SORCS3: variants seen among roughly 807,000 people sequenced by gnomAD.
SORCS3 encodes the protein VPS10 domain-containing receptor SorCS3.
In SORCS3, 57 loss-of-function variants were observed where a neutral mutation model predicts 146.3. The observed-to-expected ratio is 0.39, with a 90% CI of 0.31 to 0.49. The LOEUF (loss-of-function observed/expected upper bound fraction) is 0.49. Among genes scored for constraint, SORCS3 ranks in the 20% least tolerant of loss-of-function variants. SORCS3 has a pLI of 0.92. For missense variants in SORCS3, 1,341 were observed against 1,575.5 expected (o/e 0.85, Z 2.52); for synonymous variants, 653 against 618.5 (o/e 1.06, Z -0.83).
At chr10:105,058,279 G>A (rs895132684) in intron 5 of SORCS3, among the ~76,000 whole-genome samples, 4 of 152,158 alleles carry the variant, frequency 2.6e-5, no homozygotes, top group African/African-American at 7.2e-5. Flanking sequence ...TGGGCTAAAA[G>A]CACTGGGGGA....
chr10:104,953,848 A>C (rs949901677), intron 3 of SORCS3, among the ~76,000 whole-genome samples: 1 of 152,252 alleles, frequency 6.6e-6, no homozygotes, highest in Non-Finnish European at 1.5e-5. Context: ...AGTCTGATGC[A>C]GTCACAGACA....
rs71022753 is a variant in SORCS3 at position 105,129,331 on chromosome 10, C to CTTT, written c.1213-10042_1213-10040dup. On this transcript the variant is annotated intron_variant, in intron 7 of 26. Coordinates refer to ENST00000369701, the MANE Select transcript of SORCS3 (RefSeq NM_014978.3). ...CTTTCTCTTTTCTTTCTTTCTTTCT[C>CTTT]TTTTTTTTTTTTTTTTTTTTTTTTT... Among the ~76,000 whole-genome samples, 107 of 104,614 alleles carry CTTT rather than the reference C, an allele frequency of 1.0e-3. 3 individuals carry two copies. Among genetic ancestry groups the CTTT allele is most frequent in the African/African-American group, 3.9e-3 (100 of 25,650 alleles). The allele number at this position is 104,614 out of a possible 152,430, so 68.6% of individuals were successfully genotyped here. A position where few individuals can be genotyped will look rare whatever the true frequency, so the allele number is the denominator to read the frequency against.
chr10:104,807,980 G>A (rs2017697538), intron 1 of SORCS3, among the ~76,000 whole-genome samples: 1 of 152,216 alleles, frequency 6.6e-6, no homozygotes, highest in Admixed American at 6.5e-5. Context: ...ATATTATGGT[G>A]TTCACAGTCG....
chr10:105,258,359 C>A (rs1006801286), intron 25 of SORCS3, among the ~76,000 whole-genome samples: 1 of 152,206 alleles, frequency 6.6e-6, no homozygotes, highest in Non-Finnish European at 1.5e-5. Flanking sequence ...CTGGTTAAGG[C>A]AACACCCATT....
At chr10:105,033,904 G>C (rs1352597445) in intron 4 of SORCS3, among the ~76,000 whole-genome samples, 4 of 152,132 alleles carry the variant, frequency 2.6e-5, no homozygotes, top group Admixed American at 6.5e-5. Flanking sequence ...GGAAAAGGAA[G>C]GAGGATTTTT....
chr10:105,014,703 G>GT (rs34724735), intron 4 of SORCS3, among the ~76,000 whole-genome samples: 57,945 of 151,986 alleles, frequency 0.38, 12,683 homozygotes, highest in African/African-American at 0.61. Context: ...AAATTTATAT[G>GT]TGAAACTTAA....
intron 3 of SORCS3, among the ~76,000 whole-genome samples, chr10:104,939,237 A>T (rs1437279638): frequency 1.5e-4 from 23 of 151,812 alleles, no homozygotes; most frequent in Non-Finnish European, 1.8e-4. Flanking sequence ...CTTTCATCGC[A>T]CTCTTGTTTA....
chr10:104,989,588 C>A (rs528225102), intron 4 of SORCS3, among the ~76,000 whole-genome samples: 8 of 152,262 alleles, frequency 5.3e-5, no homozygotes, highest in African/African-American at 1.7e-4. Flanking sequence ...GTATTTTCAT[C>A]TACTCCAAAG....
At chr10:104,999,620 C>T (rs929485294) in intron 4 of SORCS3, among the ~76,000 whole-genome samples, 2 of 152,098 alleles carry the variant, frequency 1.3e-5, no homozygotes, top group African/African-American at 2.4e-5. Context: ...TTGAGCATCT[C>T]TTGCTCCACA....
intron 7 of SORCS3, among the ~76,000 whole-genome samples, chr10:105,131,606 G>A (rs1001665310): frequency 3.9e-5 from 6 of 152,140 alleles, no homozygotes; most frequent in African/African-American, 1.2e-4. Flanking sequence ...TTCTTGCATT[G>A]TTATAAATAC....
chr10:105,135,919 C>G (rs993509577), intron 7 of SORCS3, among the ~76,000 whole-genome samples: 1 of 152,178 alleles, frequency 6.6e-6, no homozygotes, highest in Non-Finnish European at 1.5e-5. Flanking sequence ...TACTTAAGTT[C>G]TTTCTACAGC....
chr10:104,647,561 TCAC>T (rs2015509716), intron 1 of SORCS3, among the ~76,000 whole-genome samples: 1 of 152,166 alleles, frequency 6.6e-6, no homozygotes, highest in African/African-American at 2.4e-5. Context: ...TTCCCTCCAA[TCAC>T]CATCAAGTGC....
intron 2 of SORCS3, among the ~76,000 whole-genome samples, chr10:104,915,281 C>T (rs1589547863): frequency 6.6e-6 from 1 of 151,658 alleles, no homozygotes; most frequent in South Asian, 2.1e-4. Context: ...AAGCATCCAA[C>T]CCTCTGCCTG....
At chr10:105,118,250 G>T (rs909631677) in intron 7 of SORCS3, among the ~76,000 whole-genome samples, 1 of 152,026 alleles carries the variant, frequency 6.6e-6, no homozygotes, top group Admixed American at 6.6e-5. Context: ...GTTTTTTAAG[G>T]GGCTTTTTCC....
intron 5 of SORCS3, among the ~76,000 whole-genome samples, chr10:105,054,520 A>G (rs2055433515): frequency 6.6e-6 from 1 of 152,102 alleles, no homozygotes; most frequent in Admixed American, 6.6e-5. Flanking sequence ...TCATTTTAAT[A>G]ACTTAATAAT....
chr10:104,845,477 T>C (rs1323756171), intron 2 of SORCS3, among the ~76,000 whole-genome samples: 2 of 152,220 alleles, frequency 1.3e-5, no homozygotes, highest in Non-Finnish European at 2.9e-5. Context: ...GTAACTCACA[T>C]GTAGGAAGTG....
chr10:105,189,652 A>G (rs2056501224), intron 14 of SORCS3, among the ~76,000 whole-genome samples: 1 of 152,166 alleles, frequency 6.6e-6, no homozygotes, highest in South Asian at 2.1e-4. Flanking sequence ...CTGCAAGCTG[A>G]AAGTTTCCCA....
chr10:104,901,754 C>G (rs1361447204), intron 2 of SORCS3, among the ~76,000 whole-genome samples: 1 of 152,176 alleles, frequency 6.6e-6, no homozygotes, highest in Non-Finnish European at 1.5e-5. Context: ...TTCTAGTTAT[C>G]TAGTGAGAGA....
intron 4 of SORCS3, among the ~76,000 whole-genome samples, chr10:104,999,970 T>C (rs1589587283): frequency 1.3e-5 from 2 of 152,156 alleles, no homozygotes; most frequent in Non-Finnish European, 2.9e-5. Context: ...CCAAAAACTT[T>C]TTTTTTCAAT....
Sources: gnomAD v4.1 joint callset for allele counts (sites outside exome capture counted in the v4.1 genomes callset) on GRCh38, gnomAD v4.1.1 for gene constraint, MANE v1.5 for transcripts, NCBI Gene and HGNC (gene_info 2026-07-23, HGNC 2026-07-21) for gene names.